SYNE3: variants seen among roughly 807,000 people sequenced by gnomAD.
SYNE3 encodes spectrin repeat containing nuclear envelope family member 3.
In SYNE3, 100 loss-of-function variants were observed where a neutral mutation model predicts 111.2. The ratio of observed to expected loss-of-function variants is 0.90; its 90% confidence interval spans 0.77 to 1.06. The LOEUF is 1.06. Ranked by LOEUF, SYNE3 falls within the 50% of genes least tolerant of loss-of-function variation. The pLI, the probability that SYNE3 is intolerant of heterozygous loss-of-function variation, is 0.00. For missense variants in SYNE3, 1,160 were observed against 1,240.3 expected (o/e 0.94, Z 0.97); for synonymous variants, 547 against 533.9 (o/e 1.02, Z -0.34).
chr14:95,475,673 C>T lies in SYNE3; in HGVS notation c.144+5G>A. On this transcript the variant is annotated splice_donor_5th_base_variant and intron_variant, in intron 2 of 17. Coordinates refer to ENST00000682763, the MANE Select transcript of SYNE3 (RefSeq NM_152592.6). ...AGGGCCATCTGAGGCCACGCCTCTG[C>T]ATACCTCGGTCTCCCACAGCCTGGC... The T allele has an allele frequency of 6.5e-7, 1 of 1,543,520 alleles. No homozygotes were observed. Among genetic ancestry groups the T allele is most frequent in the Non-Finnish European group, 8.7e-7 (1 of 1,149,380 alleles).
At chr14:95,421,416 G>A (rs1382525874) in intron 17 of SYNE3, among the ~76,000 whole-genome samples, 2 of 152,110 alleles carry the variant, frequency 1.3e-5, no homozygotes, top group Admixed American at 1.3e-4. Context: ...TCTACCATTG[G>A]TGAAAGGGGA....
chr14:95,468,598 C>T (rs1888337445), intron 2 of SYNE3, among the ~76,000 whole-genome samples: 1 of 152,222 alleles, frequency 6.6e-6, no homozygotes, highest in South Asian at 2.1e-4. Flanking sequence ...TTCCTGCAAA[C>T]TGCCTTAGAA....
chr14:95,490,719 G>A (rs1224346458), intron 1 of SYNE3, among the ~76,000 whole-genome samples: 1 of 152,238 alleles, frequency 6.6e-6, no homozygotes, highest in Non-Finnish European at 1.5e-5. Context: ...GTTCCCCATG[G>A]TGGCCTGACT....
At chr14:95,459,513 G>A (rs1382052927) in intron 4 of SYNE3, among the ~76,000 whole-genome samples, 1 of 152,174 alleles carries the variant, frequency 6.6e-6, no homozygotes, top group Non-Finnish European at 1.5e-5. Context: ...AACCATAGCT[G>A]GCTGACCTCA....
intron 1 of SYNE3, among the ~76,000 whole-genome samples, chr14:95,513,736 A>ATT (rs1345009146): frequency 5.5e-5 from 2 of 36,416 alleles, no homozygotes; most frequent in East Asian, 6.5e-4. Flanking sequence ...GGCTGCTTAG[A>ATT]TTATATATAT....
chr14:95,453,327 C>T (rs748394), intron 6 of SYNE3, among the ~76,000 whole-genome samples: 69,601 of 151,960 alleles, frequency 0.46, 16,238 homozygotes, highest in East Asian at 0.59. Context: ...CGACCTCTGA[C>T]CGATCCTCCA....
At chr14:95,436,689 C>T in intron 15 of SYNE3, 131 bp downstream of exon 15, 3 of 1,093,298 alleles carry the variant, frequency 2.7e-6, no homozygotes, top group Non-Finnish European at 2.6e-6. Flanking sequence ...AGTTTAAAAG[C>T]GATTATCTAT....
chr14:95,475,350 G>A (rs1319102211), intron 2 of SYNE3, among the ~76,000 whole-genome samples: 2 of 151,232 alleles, frequency 1.3e-5, no homozygotes, highest in African/African-American at 4.8e-5. Flanking sequence ...CAAGGGCTGG[G>A]GACCCACCAG....
At chr14:95,469,049 G>T (rs1284854642) in intron 2 of SYNE3, among the ~76,000 whole-genome samples, 1 of 152,160 alleles carries the variant, frequency 6.6e-6, no homozygotes, top group Non-Finnish European at 1.5e-5. Context: ...ACGCTGCCCA[G>T]CCCACACCGC....
At chr14:95,474,033 G>A (rs1888720913) in intron 2 of SYNE3, among the ~76,000 whole-genome samples, 1 of 150,876 alleles carries the variant, frequency 6.6e-6, no homozygotes, top group Non-Finnish European at 1.5e-5. Context: ...TAAGGCTGGT[G>A]TGAGCTTGCG....
intron 17 of SYNE3, among the ~76,000 whole-genome samples, chr14:95,423,674 G>A (rs1885271971): frequency 1.0e-5 from 1 of 98,010 alleles, no homozygotes. Flanking sequence ...TGATGGGGAT[G>A]GGGATTTGAT....
intron 17 of SYNE3, among the ~76,000 whole-genome samples, chr14:95,419,498 C>T (rs1054597966): frequency 6.6e-6 from 1 of 152,044 alleles, no homozygotes; most frequent in African/African-American, 2.4e-5. Context: ...ACATTCATCA[C>T]TATTAATATT....
At position 95,412,110 on chromosome 14, in the gene SYNE3, T is replaced by C; in HGVS notation, c.*5716A>G. 6.5e-6 allele frequency: 1 copy of C among 153,832 alleles called. No individual in the cohort carries two copies. The highest frequency in any genetic ancestry group is 1.4e-5 in the Non-Finnish European group (1 of 69,250). The allele number at this position is 153,832 out of a possible 1,614,324, so 9.5% of individuals were successfully genotyped here. A position where few individuals can be genotyped will look rare whatever the true frequency, so the allele number is the denominator to read the frequency against. ...GAGGCTGGGTCAGTCTATTTTCCCC[T>C]CCTCTGCCATGCCCAGGTCCTCTCC... is the stretch of plus-strand genomic sequence containing the variant. On this transcript the variant is annotated 3_prime_UTR_variant, in exon 18 of 18. Coordinates refer to ENST00000682763, the MANE Select transcript of SYNE3 (RefSeq NM_152592.6).
At chr14:95,486,056 C>T (rs567579111) in intron 1 of SYNE3, among the ~76,000 whole-genome samples, 1 of 152,246 alleles carries the variant, frequency 6.6e-6, no homozygotes, top group African/African-American at 2.4e-5. Flanking sequence ...GCTGTGTCCT[C>T]TGGAAGCCCT....
chr14:95,493,271 GC>G (rs1889933157), intron 1 of SYNE3, among the ~76,000 whole-genome samples: 1 of 152,138 alleles, frequency 6.6e-6, no homozygotes, highest in African/African-American at 2.4e-5. Context: ...TAGTCAATAT[GC>G]CCCTCCCTCT....
intron 12 of SYNE3, 23 bp from the exon 13 acceptor site, chr14:95,439,807 G>C: frequency 1.2e-6 from 2 of 1,603,200 alleles, no homozygotes; most frequent in Non-Finnish European, 1.7e-6. Context: ...CGGACACACA[G>C]ACACACACAC....
At chr14:95,455,141 T>C (rs1334737890) in intron 6 of SYNE3, among the ~76,000 whole-genome samples, 1 of 152,190 alleles carries the variant, frequency 6.6e-6, no homozygotes, top group Non-Finnish European at 1.5e-5. Context: ...CATGTGACTC[T>C]AGGGATGTTG....
intron 6 of SYNE3, among the ~76,000 whole-genome samples, chr14:95,453,758 C>T (rs1887238439): frequency 6.6e-6 from 1 of 152,226 alleles, no homozygotes; most frequent in Non-Finnish European, 1.5e-5. Flanking sequence ...TGGAGAGAGG[C>T]CTGTCCAGGC....
chr14:95,448,646 C>G (rs986445499), intron 8 of SYNE3, among the ~76,000 whole-genome samples: 2 of 152,196 alleles, frequency 1.3e-5, no homozygotes, highest in African/African-American at 4.8e-5. Flanking sequence ...TGAGATCGCG[C>G]CACTGCACTC....
Sources: allele counts gnomAD v4.1 joint callset (sites outside exome capture counted in the v4.1 genomes callset), GRCh38; gene constraint gnomAD v4.1.1; transcripts MANE v1.5; gene names NCBI Gene and HGNC (gene_info 2026-07-23, HGNC 2026-07-21).